Variants in IL1RAPL1 observed in about 807,000 individuals in gnomAD.
The protein encoded by IL1RAPL1 is interleukin 1 receptor accessory protein like 1.
IL1RAPL1 carries 3 observed loss-of-function variants against 48.4 expected under a neutral mutation model. The ratio of observed to expected loss-of-function variants is 0.06; its 90% CI spans 0.03 to 0.16. IL1RAPL1 has a LOEUF of 0.16. Among genes scored for constraint, IL1RAPL1 ranks in the 10% least tolerant of loss-of-function variants. The probability of loss-of-function intolerance (pLI) is 1.00; values close to 1 mark genes in which losing one functional copy is unlikely to be tolerated. For missense variants in IL1RAPL1, 349 were observed against 530.6 expected (o/e 0.66, Z 3.36); for synonymous variants, 185 against 187.7 (o/e 0.99, Z 0.12).
chrX:28,709,450 A>C (rs749312977), intron 1 of IL1RAPL1, among the ~76,000 whole-genome samples: 1 of 111,868 alleles, frequency 8.9e-6, no homozygotes, highest in Admixed American at 9.5e-5. Flanking sequence ...AACCCAGGTA[A>C]TCTGACTTCA....
chrX:28,956,777 A>G (rs1281908756), intron 2 of IL1RAPL1, among the ~76,000 whole-genome samples: 3 of 107,705 alleles, frequency 2.8e-5, no homozygotes, highest in Admixed American at 1.0e-4. Context: ...CTGGCCTCAT[A>G]AAATGAGTTA....
intron 2 of IL1RAPL1, among the ~76,000 whole-genome samples, chrX:28,874,303 A>G (rs1202035109): frequency 1.8e-5 from 2 of 112,404 alleles, no homozygotes; most frequent in Non-Finnish European, 3.7e-5. Flanking sequence ...AAAATAGCAT[A>G]GCATTAAGCC....
chrX:28,750,556 A>G (rs1936030420), intron 1 of IL1RAPL1, among the ~76,000 whole-genome samples: 1 of 111,599 alleles, frequency 9.0e-6, no homozygotes, highest in South Asian at 3.7e-4. Flanking sequence ...TTTATATCAT[A>G]TTTGGAGTAT....
chrX:28,920,684 A>G (rs1226642177), intron 2 of IL1RAPL1, among the ~76,000 whole-genome samples: 1 of 111,879 alleles, frequency 8.9e-6, no homozygotes, highest in South Asian at 3.7e-4. Context: ...CAGTCATCCA[A>G]TATGTACTAG....
chrX:29,065,229 G>A (rs941539014), intron 2 of IL1RAPL1, among the ~76,000 whole-genome samples: 4 of 109,135 alleles, frequency 3.7e-5, no homozygotes, highest in Admixed American at 3.0e-4. Flanking sequence ...GTTACTTTCA[G>A]TTTTTGTTTG....
chrX:28,944,876 A>G (rs1924255839), intron 2 of IL1RAPL1, among the ~76,000 whole-genome samples: 1 of 110,224 alleles, frequency 9.1e-6, no homozygotes, highest in African/African-American at 3.3e-5. Flanking sequence ...ACTGTTAATT[A>G]CCTAATCATA....
chrX:28,729,705 G>A (rs1935729997), intron 1 of IL1RAPL1, among the ~76,000 whole-genome samples: 1 of 111,582 alleles, frequency 9.0e-6, no homozygotes, highest in Non-Finnish European at 1.9e-5. Flanking sequence ...CCAGTTAGAA[G>A]ATAGGGATGA....
At chrX:29,747,324 G>C (rs966586516) in intron 6 of IL1RAPL1, among the ~76,000 whole-genome samples, 1 of 112,538 alleles carries the variant, frequency 8.9e-6, no homozygotes, top group Non-Finnish European at 1.9e-5. Context: ...TGTTGCTATG[G>C]TGAATATGAA....
At chrX:29,813,376 A>G (rs932045997) in intron 6 of IL1RAPL1, among the ~76,000 whole-genome samples, 8 of 111,226 alleles carry the variant, frequency 7.2e-5, no homozygotes, top group Admixed American at 9.6e-5. Context: ...CAATGATGTC[A>G]TCTTCTTACT....
At chrX:29,730,787 A>G (rs768225138) in intron 6 of IL1RAPL1, among the ~76,000 whole-genome samples, 52 of 111,461 alleles carry the variant, frequency 4.7e-4, no homozygotes, top group Non-Finnish European at 6.4e-4. Flanking sequence ...TAATTGCCTC[A>G]TTTTTCTATT....
At chrX:29,638,952 T>C (rs1387027691) in intron 5 of IL1RAPL1, among the ~76,000 whole-genome samples, 2 of 111,831 alleles carry the variant, frequency 1.8e-5, no homozygotes, top group African/African-American at 6.5e-5. Context: ...TTTGGGAGGC[T>C]GAGACGGGTA....
At chrX:29,700,940 A>G (rs1328039560) in intron 6 of IL1RAPL1, among the ~76,000 whole-genome samples, 1 of 112,137 alleles carries the variant, frequency 8.9e-6, no homozygotes, top group Non-Finnish European at 1.9e-5. Flanking sequence ...ATTTATCTAT[A>G]GAGAATAATT....
At chrX:29,513,421 A>T (rs6630888) in intron 5 of IL1RAPL1, among the ~76,000 whole-genome samples, 48,284 of 110,189 alleles carry the variant, frequency 0.44, 7,708 homozygotes, top group East Asian at 0.7. Context: ...GCTACAGCAG[A>T]ATTTATTTAA....
chrX:29,322,102 T>C (rs1000661558), intron 3 of IL1RAPL1, among the ~76,000 whole-genome samples: 5 of 110,729 alleles, frequency 4.5e-5, no homozygotes, highest in Admixed American at 1.9e-4. Flanking sequence ...GTTCATGGAG[T>C]TGCTTTTTCT....
intron 8 of IL1RAPL1, among the ~76,000 whole-genome samples, chrX:29,921,313 C>G (rs776650965): frequency 8.9e-6 from 1 of 112,000 alleles, no homozygotes; most frequent in Non-Finnish European, 1.9e-5. Context: ...TTTCAAAGCC[C>G]GTGTTTAATC....
At chrX:28,705,986 A>G (rs1209439930) in intron 1 of IL1RAPL1, among the ~76,000 whole-genome samples, 1 of 111,871 alleles carries the variant, frequency 8.9e-6, no homozygotes, top group Non-Finnish European at 1.9e-5. Context: ...GTAAAGTGCC[A>G]TACTGTTTTT....
rs759454984 is a variant in IL1RAPL1 at position 29,263,866 on chromosome X, C to A, written c.83-19072C>A. 7.5e-4 allele frequency among the ~76,000 whole-genome samples: 74 copies of A among 98,758 alleles called. No individual in the cohort carries two copies. The East Asian group carries it at 0.018, about 24-fold the overall frequency. 85.8% of individuals were successfully genotyped at this position (98,758 alleles called of 115,157 possible). On this transcript the variant is annotated intron_variant, in intron 2 of 10. Coordinates refer to ENST00000378993, the MANE Select transcript of IL1RAPL1 (RefSeq NM_014271.4). ...CTCTCTTTCTCTCTCTCTCTCCCCCCCCCCCGCTCTCATAGAGCAATGTTA... is the reference window on the plus strand; with the variant it reads ...CTCTCTTTCTCTCTCTCTCTCCCCCACCCCCGCTCTCATAGAGCAATGTTA...
intron 1 of IL1RAPL1, among the ~76,000 whole-genome samples, chrX:28,629,676 A>C (rs1934378313): frequency 8.9e-6 from 1 of 111,853 alleles, no homozygotes; most frequent in Non-Finnish European, 1.9e-5. Flanking sequence ...TCTAATAAGC[A>C]TGATTACCGG....
At chrX:29,319,710 C>G (rs1932791370) in intron 3 of IL1RAPL1, among the ~76,000 whole-genome samples, 1 of 109,780 alleles carries the variant, frequency 9.1e-6, no homozygotes, top group Non-Finnish European at 1.9e-5. Flanking sequence ...CAGCATAAAG[C>G]TCAATGGGTG....
Sources: gnomAD v4.1 joint callset for allele counts (sites outside exome capture counted in the v4.1 genomes callset) on GRCh38, gnomAD v4.1.1 for gene constraint, MANE v1.5 for transcripts, NCBI Gene and HGNC (gene_info 2026-07-23, HGNC 2026-07-21) for gene names.